Variants in KCNMB4 observed in about 807,000 individuals in gnomAD.
KCNMB4 encodes the protein potassium calcium-activated channel subfamily M regulatory beta subunit 4.
KCNMB4 carries 3 observed loss-of-function variants against 20.7 expected under a neutral mutation model. The ratio of observed to expected loss-of-function variants is 0.14; its 90% CI spans 0.07 to 0.37. The LOEUF (loss-of-function observed/expected upper bound fraction) is 0.37. Among genes scored for constraint, KCNMB4 ranks in the 10% least tolerant of loss-of-function variants. The pLI is 1.00. For synonymous variants in KCNMB4, 110 were observed against 113.4 expected (o/e 0.97, Z 0.19); for missense variants, 168 against 265.9 (o/e 0.63, Z 2.56).
At chr12:70,410,958 A>G (rs1475896629) in intron 2 of KCNMB4, among the ~76,000 whole-genome samples, 10 of 152,234 alleles carry the variant, frequency 6.6e-5, no homozygotes. Flanking sequence ...AGAAAGATAA[A>G]CATAATGGCC....
At chr12:70,400,522 A>C (rs746458523) in intron 2 of KCNMB4, among the ~76,000 whole-genome samples, 186 bp downstream of exon 2, 2 of 152,202 alleles carry the variant, frequency 1.3e-5, no homozygotes. Context: ...TGTACACCTT[A>C]CCCTGTGAAT....
rs543092315 is a variant in KCNMB4, at chr12:70,432,808, T to C, written c.*2155T>C. ...CTGCATCACATTATGGGAGACGAAG[T>C]CTGCTTTATCCATTTTATCTTTATT... is the stretch of plus-strand genomic sequence containing the variant. On this transcript the variant is annotated 3_prime_UTR_variant, in exon 3 of 3. Transcript: ENST00000258111. 6.6e-6 allele frequency: 1 copy of C among 152,308 alleles called. No individual in the cohort carries two copies. Among genetic ancestry groups the C allele is most frequent in the East Asian group, 1.9e-4 (1 of 5,166 alleles). The allele number at this position is 152,308 out of a possible 1,614,324, so 9.4% of individuals were successfully genotyped here.
intron 2 of KCNMB4, among the ~76,000 whole-genome samples, chr12:70,405,007 G>A (rs1565862233): frequency 6.6e-6 from 1 of 152,128 alleles, no homozygotes; most frequent in East Asian, 1.9e-4. Flanking sequence ...GATGAAGGAA[G>A]AGTGGCCAGA....
Position 70,430,593 on chromosome 12 carries a change from C to T in KCNMB4, c.573C>T (p.Thr191=), listed in dbSNP as rs775179156. 6.2e-7 allele frequency: 1 copy of T among 1,613,694 alleles called. No individual in the cohort carries two copies. Among genetic ancestry groups the T allele is most frequent in the Admixed American group, 1.7e-5 (1 of 59,938 alleles). ...TGGGCGTTCTCATTGTGGTCCTGACCATCTGTGCCAAGAGCTTGGCGGTCA... is the reference window on the plus strand; with the variant it reads ...TGGGCGTTCTCATTGTGGTCCTGACTATCTGTGCCAAGAGCTTGGCGGTCA... ...FVVGVLIVVL[T]ICAKSLAVKA... The change falls in exon 3 of 3, where the codon ACC becomes ACT. Residue 191 remains threonine (T), a synonymous_variant. Transcript: ENST00000258111.
intron 1 of KCNMB4, among the ~76,000 whole-genome samples, chr12:70,387,797 A>G (rs1473658932): frequency 6.6e-6 from 1 of 152,192 alleles, no homozygotes; most frequent in African/African-American, 2.4e-5. Flanking sequence ...TATCCCCTCA[A>G]GCATTTATCC....
intron 1 of KCNMB4, among the ~76,000 whole-genome samples, chr12:70,399,243 A>C (rs189683524): frequency 1.3e-5 from 2 of 152,026 alleles, no homozygotes. Flanking sequence ...ATACTATAAA[A>C]CTCTATGTTG....
chr12:70,426,726 A>G (rs1483840341), intron 2 of KCNMB4, among the ~76,000 whole-genome samples: 1 of 152,238 alleles, frequency 6.6e-6, no homozygotes, highest in Admixed American at 6.5e-5. Context: ...AAAATTAAAA[A>G]TTACTTGAGC....
rs1253053286 is a variant in KCNMB4 at position 70,432,604 on chromosome 12, T to TA, written c.*1952dup. On this transcript the variant is annotated 3_prime_UTR_variant, in exon 3 of 3. Coordinates refer to ENST00000258111, the MANE Select transcript of KCNMB4 (RefSeq NM_014505.6). ...ATAATTTTTTTTCTAATTCAAAAGTTACAGTTTCACTGTGAAAAAGGCCTT... is the reference window on the plus strand; with the variant it reads ...ATAATTTTTTTTCTAATTCAAAAGTTAACAGTTTCACTGTGAAAAAGGCCTT... 1.3e-5 allele frequency: 2 copies of TA among 152,200 alleles called. No homozygotes were observed. The highest frequency in any genetic ancestry group is 1.3e-4 in the Admixed American group (2 of 15,272). 9.4% of individuals were successfully genotyped at this position (152,200 alleles called of 1,614,324 possible).
At chr12:70,414,507 C>T (rs1005670658) in intron 2 of KCNMB4, among the ~76,000 whole-genome samples, 2 of 152,120 alleles carry the variant, frequency 1.3e-5, no homozygotes, top group Non-Finnish European at 2.9e-5. Flanking sequence ...TTCATATTGC[C>T]ATCACTGTTG....
chr12:70,377,096 A>ACAGATT (rs1169305056), intron 1 of KCNMB4, among the ~76,000 whole-genome samples: 2 of 152,208 alleles, frequency 1.3e-5, no homozygotes, highest in Non-Finnish European at 2.9e-5. Flanking sequence ...AGGTTGATCT[A>ACAGATT]CAGATTCATT....
At chr12:70,410,572 G>A (rs928221781) in intron 2 of KCNMB4, among the ~76,000 whole-genome samples, 2 of 152,172 alleles carry the variant, frequency 1.3e-5, no homozygotes, top group African/African-American at 4.8e-5. Context: ...TTCCTCGCCT[G>A]TAAAATGAGG....
At chr12:70,409,956 T>TA (rs1189387685) in intron 2 of KCNMB4, among the ~76,000 whole-genome samples, 4 of 152,222 alleles carry the variant, frequency 2.6e-5, no homozygotes, top group Non-Finnish European at 4.4e-5. Flanking sequence ...AGAGTGGTAA[T>TA]ATGGTCTGCT....
intron 1 of KCNMB4, among the ~76,000 whole-genome samples, chr12:70,396,693 A>G (rs1302246932): frequency 6.6e-6 from 1 of 152,240 alleles, no homozygotes; most frequent in Non-Finnish European, 1.5e-5. Context: ...GAATTAATGC[A>G]ACACTTGACA....
intron 1 of KCNMB4, among the ~76,000 whole-genome samples, 174 bp downstream of exon 1, chr12:70,367,244 G>T (rs1487495820): frequency 6.6e-6 from 1 of 152,080 alleles, no homozygotes; most frequent in South Asian, 2.1e-4. Flanking sequence ...CCAGGGCTCC[G>T]GTCTTTTCAG....
chr12:70,385,655 G>T (rs1038327539), intron 1 of KCNMB4, among the ~76,000 whole-genome samples: 2 of 152,068 alleles, frequency 1.3e-5, no homozygotes, highest in African/African-American at 4.8e-5. Context: ...AATTGCCAAA[G>T]AAATGTTCTT....
At chr12:70,426,694 C>T (rs953424609) in intron 2 of KCNMB4, among the ~76,000 whole-genome samples, 13 of 152,132 alleles carry the variant, frequency 8.5e-5, no homozygotes, top group Non-Finnish European at 1.9e-4. Context: ...TTTTTTACCT[C>T]AGTTTCTTCC....
rs1370961183 is a variant in KCNMB4, at chr12:70,400,248, A to T, written c.376A>T (p.Asn126Tyr). ...IPPCKRENQK[N>Y]LESVMNWQQY... ...TCCCTGTAAGAGAGAAAATCAGAAG[A>T]ATTTGGAAAGTGTCATGAATTGGCA... The change falls in exon 2 of 3, where the codon AAT becomes TAT. Residue 126 changes from asparagine (N) to tyrosine (Y), a missense_variant. Coordinates refer to ENST00000258111, the MANE Select transcript of KCNMB4 (RefSeq NM_014505.6). 1 of 1,612,434 alleles carries T rather than the reference A, an allele frequency of 6.2e-7. No homozygotes were observed. Among genetic ancestry groups the T allele is most frequent in the Non-Finnish European group, 8.5e-7 (1 of 1,179,166 alleles).
chr12:70,420,028 A>T (rs1239574656), intron 2 of KCNMB4, among the ~76,000 whole-genome samples: 1 of 152,244 alleles, frequency 6.6e-6, no homozygotes, highest in African/African-American at 2.4e-5. Context: ...GAATGAAAAA[A>T]GTAAATCTTA....
chr12:70,377,322 G>A (rs778712383), intron 1 of KCNMB4, among the ~76,000 whole-genome samples: 4 of 152,168 alleles, frequency 2.6e-5, no homozygotes, highest in South Asian at 2.1e-4. Context: ...CCAATATTAC[G>A]ATAAAAGAGT....
Sources: allele counts gnomAD v4.1 joint callset (sites outside exome capture counted in the v4.1 genomes callset), GRCh38; gene constraint gnomAD v4.1.1; transcripts MANE v1.5; gene names NCBI Gene and HGNC (gene_info 2026-07-23, HGNC 2026-07-21).